The following ZEB2 variants were observed in gnomAD, a reference collection of about 807,000 sequenced individuals.
ZEB2 encodes zinc finger E-box-binding homeobox 2.
A neutral mutation model predicts 99.9 loss-of-function variants in ZEB2; 6 were observed. The ratio of observed to expected loss-of-function variants is 0.06; its 90% CI spans 0.03 to 0.12. The LOEUF (loss-of-function observed/expected upper bound fraction) is 0.12, where lower values mean the gene tolerates loss of function less well. Ranked by LOEUF, ZEB2 falls within the 10% of genes least tolerant of loss-of-function variation. The probability of loss-of-function intolerance (pLI) is 1.00; values close to 1 mark genes in which losing one functional copy is unlikely to be tolerated. For missense variants in ZEB2, 969 were observed against 1,502.8 expected (o/e 0.64, Z 5.87); for synonymous variants, 517 against 542.5 (o/e 0.95, Z 0.65).
intron 2 of ZEB2, among the ~76,000 whole-genome samples, chr2:144,465,856 C>G (rs1360054822): frequency 6.6e-6 from 1 of 152,114 alleles, no homozygotes; most frequent in African/African-American, 2.4e-5. Flanking sequence ...TACAGGAAGC[C>G]AGATGTGCCT....
chr2:144,409,990 C>A (rs1314658458), intron 4 of ZEB2, among the ~76,000 whole-genome samples: 2 of 151,514 alleles, frequency 1.3e-5, no homozygotes, highest in Non-Finnish European at 2.9e-5. Flanking sequence ...CGGCTCACTG[C>A]CAGCTCCGTC....
chr2:144,501,085 C>T (rs1469180588), intron 2 of ZEB2, among the ~76,000 whole-genome samples: 8 of 87,856 alleles, frequency 9.1e-5, no homozygotes, highest in Non-Finnish European at 1.8e-4. Context: ...GGGGGGGTAG[C>T]GGGGGGAAAG....
intron 2 of ZEB2, among the ~76,000 whole-genome samples, chr2:144,481,605 A>T (rs1404178785): frequency 6.6e-6 from 1 of 152,122 alleles, no homozygotes; most frequent in African/African-American, 2.4e-5. Context: ...ATTATTGAGG[A>T]GTCTACACAT....
chr2:144,489,010 G>C (rs954883062), intron 2 of ZEB2, among the ~76,000 whole-genome samples: 1 of 152,122 alleles, frequency 6.6e-6, no homozygotes, highest in Non-Finnish European at 1.5e-5. Context: ...AAAAAGGCAT[G>C]AATGTTCTTT....
intron 2 of ZEB2, among the ~76,000 whole-genome samples, chr2:144,483,912 C>T (rs1458767835): frequency 6.6e-6 from 1 of 152,150 alleles, no homozygotes; most frequent in Non-Finnish European, 1.5e-5. Context: ...AATACCTTAG[C>T]ATTCTGCCGT....
intron 9 of ZEB2, among the ~76,000 whole-genome samples, chr2:144,392,130 G>C (rs1703161818): frequency 6.6e-6 from 1 of 152,194 alleles, no homozygotes; most frequent in Admixed American, 6.5e-5. Context: ...ATAGAGAGAA[G>C]AGAAATTATA....
At chr2:144,422,731 G>A (rs1039915547) in intron 4 of ZEB2, among the ~76,000 whole-genome samples, 1 of 152,014 alleles carries the variant, frequency 6.6e-6, no homozygotes, top group African/African-American at 2.4e-5. Context: ...ACCTGGGAGG[G>A]AGAGGTTGCA....
At chr2:144,429,457 T>A (rs1703738120) in intron 3 of ZEB2, 1 of 379,316 alleles carries the variant, frequency 2.6e-6, no homozygotes, top group Admixed American at 4.0e-5. Context: ...AAAGTATAGA[T>A]CTTGATCATG....
At chr2:144,410,072 C>T (rs532762765) in intron 4 of ZEB2, among the ~76,000 whole-genome samples, 15 of 152,128 alleles carry the variant, frequency 9.9e-5, no homozygotes, top group African/African-American at 2.9e-4. Context: ...CCACCACGCC[C>T]GGCTAATTTT....
At chr2:144,446,102 A>G (rs1336142031) in intron 2 of ZEB2, among the ~76,000 whole-genome samples, 4 of 151,202 alleles carry the variant, frequency 2.6e-5, no homozygotes, top group African/African-American at 7.3e-5. Context: ...TCTAACCTTC[A>G]TAAGGCAGTT....
rs1560605786 is a variant in ZEB2, at chr2:144,398,285, AC to A, written c.2886+15del. The stretch of plus-strand genomic sequence containing the variant: ...CACCTCTTTTCTTCATAGCAGAAAA[AC>A]ATTTGTCTCTTTACCTGAAATCCTT... On this transcript the variant is annotated intron_variant, in intron 8 of 9. Transcript: ENST00000627532. The A allele has an allele frequency of 1.2e-6, 2 of 1,612,772 alleles. No homozygotes were observed. Among genetic ancestry groups the A allele is most frequent in the Non-Finnish European group, 8.5e-7 (1 of 1,179,762 alleles).
At chr2:144,406,996 T>C (rs1233408049) in intron 4 of ZEB2, among the ~76,000 whole-genome samples, 1 of 152,214 alleles carries the variant, frequency 6.6e-6, no homozygotes, top group East Asian at 1.9e-4. Flanking sequence ...AGTTGGGAGA[T>C]GCTAAGGTAC....
At chr2:144,444,190 A>G (rs1012765245) in intron 2 of ZEB2, among the ~76,000 whole-genome samples, 1 of 152,208 alleles carries the variant, frequency 6.6e-6, no homozygotes, top group Non-Finnish European at 1.5e-5. Context: ...GATGACATCT[A>G]TAACTTATGG....
At chr2:144,411,619 G>A (rs1381881049) in intron 4 of ZEB2, among the ~76,000 whole-genome samples, 1 of 152,220 alleles carries the variant, frequency 6.6e-6, no homozygotes, top group African/African-American at 2.4e-5. Context: ...AGCTGGTACA[G>A]AGGCATGGAT....
Position 144,510,909 on chromosome 2 carries a change from G to GA in ZEB2, c.73+6368dup, listed in dbSNP as rs566235275. Reference sequence around the variant, plus strand: ...CATTCAGGTCAGCATTGATGTGAGCGAAAGTGAAATCATACCTAAGGCATT... The same window carrying GA: ...CATTCAGGTCAGCATTGATGTGAGCGAAAAGTGAAATCATACCTAAGGCATT... On this transcript the variant is annotated intron_variant, in intron 2 of 9. Transcript: ENST00000627532. 2.4e-4 allele frequency among the ~76,000 whole-genome samples: 36 copies of GA among 152,310 alleles called. No homozygotes were observed. The South Asian group carries it at 6.8e-3, about 29-fold the overall frequency.
intron 2 of ZEB2, among the ~76,000 whole-genome samples, chr2:144,487,983 C>T (rs1212459038): frequency 6.6e-6 from 1 of 152,180 alleles, no homozygotes; most frequent in Admixed American, 6.5e-5. Context: ...GAATCTCCTT[C>T]CCCTTCTAAT....
intron 2 of ZEB2, among the ~76,000 whole-genome samples, chr2:144,452,903 C>T (rs1013939320): frequency 1.3e-5 from 2 of 152,198 alleles, no homozygotes; most frequent in African/African-American, 4.8e-5. Context: ...AGCCTTTAAT[C>T]TTTCCCACAT....
intron 7 of ZEB2, among the ~76,000 whole-genome samples, chr2:144,400,960 G>A (rs1038347976): frequency 1.3e-5 from 2 of 152,178 alleles, no homozygotes; most frequent in Admixed American, 1.3e-4. Context: ...TCTAGATTTT[G>A]TAATAAATCA....
chr2:144,402,293 A>C (rs931585802), intron 6 of ZEB2, among the ~76,000 whole-genome samples: 1 of 152,172 alleles, frequency 6.6e-6, no homozygotes, highest in Non-Finnish European at 1.5e-5. Flanking sequence ...TTTTGCAAAA[A>C]GACAGCACAG....
Sources: gnomAD v4.1 joint callset for allele counts (sites outside exome capture counted in the v4.1 genomes callset) on GRCh38, gnomAD v4.1.1 for gene constraint, MANE v1.5 for transcripts, NCBI Gene and HGNC (gene_info 2026-07-23, HGNC 2026-07-21) for gene names.